TTLL5: variants seen among roughly 807,000 people sequenced by gnomAD.
The protein encoded by TTLL5 is tubulin polyglutamylase TTLL5.
TTLL5 carries 132 observed loss-of-function variants against 168.4 expected under a neutral mutation model. The observed-to-expected ratio is 0.78, with a 90% CI of 0.68 to 0.91. The LOEUF is 0.91. Among genes scored for constraint, TTLL5 ranks in the 40% least tolerant of loss-of-function variants. TTLL5 has a pLI of 0.00. For missense variants in TTLL5, 1,545 were observed against 1,581.5 expected (o/e 0.98, Z 0.39); for synonymous variants, 546 against 558.6 (o/e 0.98, Z 0.32).
chr14:75,850,233 C>T (rs1896771497), intron 28 of TTLL5, among the ~76,000 whole-genome samples: 1 of 151,478 alleles, frequency 6.6e-6, no homozygotes, highest in Admixed American at 6.6e-5. Context: ...ATGGAGAAAC[C>T]CCGTCTCTAC....
chr14:75,678,298 C>G (rs904699853), intron 3 of TTLL5, among the ~76,000 whole-genome samples: 3 of 152,192 alleles, frequency 2.0e-5, no homozygotes, highest in African/African-American at 7.2e-5. Flanking sequence ...TTGCTTCTCT[C>G]TTTCTGAACC....
intron 6 of TTLL5, among the ~76,000 whole-genome samples, chr14:75,697,659 C>A (rs1431616991): frequency 6.6e-6 from 1 of 152,152 alleles, no homozygotes; most frequent in Non-Finnish European, 1.5e-5. Context: ...GCCTAGAGAG[C>A]TCCTTCTGAA....
intron 16 of TTLL5, 113 bp from the exon 17 acceptor site, chr14:75,745,377 C>T: frequency 1.6e-6 from 2 of 1,235,374 alleles, no homozygotes; most frequent in Non-Finnish European, 2.3e-6. Flanking sequence ...GAATTAATTT[C>T]TCCCTTCATG....
intron 2 of TTLL5, among the ~76,000 whole-genome samples, chr14:75,666,516 G>T (rs951298905): frequency 5.3e-5 from 8 of 152,200 alleles, no homozygotes; most frequent in Non-Finnish European, 1.5e-5. Flanking sequence ...TATTGTAAAA[G>T]GCTGGCTTTA....
At chr14:75,776,703 A>G (rs1366505208) in intron 22 of TTLL5, 44 bp from the exon 23 acceptor site, 8 of 1,420,034 alleles carry the variant, frequency 5.6e-6, no homozygotes, top group Non-Finnish European at 7.9e-6. Flanking sequence ...ATTAGGAGTC[A>G]GTTTTATCTT....
Position 75,717,906 on chromosome 14 carries a change from C to T in TTLL5, c.786C>T (p.Asn262=). 6.2e-7 allele frequency: 1 copy of T among 1,613,842 alleles called. No individual in the cohort carries two copies. Among genetic ancestry groups the T allele is most frequent in the East Asian group, 2.2e-5 (1 of 44,840 alleles). ...RYDQGAKNIR[N]QFMHLTNYSV... Reference sequence around the variant, plus strand: ...ATCAAGGAGCCAAGAACATTCGGAACCAGTTCATGCATCTGACAAACTACA... The same window carrying T: ...ATCAAGGAGCCAAGAACATTCGGAATCAGTTCATGCATCTGACAAACTACA... Residue 262 remains asparagine, a synonymous_variant, in exon 10 of 32, where the codon AAC becomes AAT. Transcript: ENST00000298832.
chr14:75,912,737 A>G (rs2033442095), intron 31 of TTLL5, among the ~76,000 whole-genome samples: 1 of 152,230 alleles, frequency 6.6e-6, no homozygotes, highest in Non-Finnish European at 1.5e-5. Flanking sequence ...CTTTATATAC[A>G]AGACACCTAA....
At chr14:75,867,482 C>T (rs1335374866) in intron 29 of TTLL5, among the ~76,000 whole-genome samples, 11 of 152,288 alleles carry the variant, frequency 7.2e-5, no homozygotes, top group African/African-American at 2.6e-4. Flanking sequence ...AATTTCAGGG[C>T]CGGGCGTGGT....
intron 29 of TTLL5, among the ~76,000 whole-genome samples, chr14:75,876,084 T>C (rs1477667745): frequency 6.6e-6 from 1 of 152,164 alleles, no homozygotes; most frequent in Non-Finnish European, 1.5e-5. Context: ...CGTCAACCAG[T>C]GTCTGATTGG....
chr14:75,954,624 A>G lies in TTLL5; in HGVS notation c.*178A>G, dbSNP rs2140229969. 2 of 637,010 alleles carry G rather than the reference A, an allele frequency of 3.1e-6. No homozygotes were observed. Among genetic ancestry groups the G allele is most frequent in the East Asian group, 5.4e-5 (2 of 37,042 alleles). 39.5% of individuals were successfully genotyped at this position (637,010 alleles called of 1,614,324 possible). A position where few individuals can be genotyped will look rare whatever the true frequency, so the allele number is the denominator to read the frequency against. The stretch of plus-strand genomic sequence containing the variant: ...TGCCAATCAGCCAATGCAGACTTTC[A>G]CTGGGACAACAAGAAAGCAGATCTT... On this transcript the variant is annotated 3_prime_UTR_variant, in exon 32 of 32. Transcript: ENST00000298832.
At chr14:75,947,123 G>A (rs573970276) in intron 31 of TTLL5, among the ~76,000 whole-genome samples, 1 of 152,368 alleles carries the variant, frequency 6.6e-6, no homozygotes, top group African/African-American at 2.4e-5. Context: ...GGATTTCACA[G>A]GATGGCTGTG....
intron 31 of TTLL5, among the ~76,000 whole-genome samples, chr14:75,947,769 A>G (rs1033350863): frequency 1.3e-5 from 2 of 151,948 alleles, no homozygotes; most frequent in Admixed American, 6.6e-5. Flanking sequence ...ACAAAGTGAG[A>G]CCGTCTCTCC....
chr14:75,940,563 A>G (rs1001440169), intron 31 of TTLL5, among the ~76,000 whole-genome samples: 1 of 152,214 alleles, frequency 6.6e-6, no homozygotes, highest in Admixed American at 6.5e-5. Flanking sequence ...GATCCCAAGA[A>G]CATTGATTTT....
At chr14:75,681,070 T>C (rs1884574090) in intron 3 of TTLL5, among the ~76,000 whole-genome samples, 2 of 152,198 alleles carry the variant, frequency 1.3e-5, no homozygotes, top group Non-Finnish European at 1.5e-5. Context: ...TATTGAAATA[T>C]AGTAATCAGA....
At chr14:75,915,583 GTTTCC>G (rs2033587808) in intron 31 of TTLL5, among the ~76,000 whole-genome samples, 1 of 152,154 alleles carries the variant, frequency 6.6e-6, no homozygotes. Flanking sequence ...TTCAGCCTCA[GTTTCC>G]TCATCTATAC....
chr14:75,662,796 A>T (rs1335307201), intron 1 of TTLL5, among the ~76,000 whole-genome samples: 1 of 152,234 alleles, frequency 6.6e-6, no homozygotes, highest in Non-Finnish European at 1.5e-5. Flanking sequence ...TTAGTAAATA[A>T]TGAGAAACTC....
chr14:75,709,041 T>C, intron 9 of TTLL5: 1 of 631,702 alleles, frequency 1.6e-6, no homozygotes, highest in East Asian at 2.8e-5. Flanking sequence ...TTCAAAGCTG[T>C]CCTGGGCTGT....
intron 15 of TTLL5, chr14:75,744,234 T>G (rs1382066103): frequency 6.6e-6 from 1 of 152,242 alleles, no homozygotes; most frequent in African/African-American, 2.4e-5. Context: ...CTTTTTGTAC[T>G]TGGCAGATTT....
chr14:75,796,022 G>A (rs936385952), intron 27 of TTLL5, among the ~76,000 whole-genome samples: 3 of 152,164 alleles, frequency 2.0e-5, no homozygotes, highest in Admixed American at 6.5e-5. Flanking sequence ...TTTCCATAAT[G>A]GTTGTACTAG....
Sources: allele counts gnomAD v4.1 joint callset (sites outside exome capture counted in the v4.1 genomes callset), GRCh38; gene constraint gnomAD v4.1.1; transcripts MANE v1.5; gene names NCBI Gene and HGNC (gene_info 2026-07-23, HGNC 2026-07-21).